TSHZ3: variants seen among roughly 807,000 people sequenced by gnomAD.
TSHZ3 encodes the protein teashirt zinc finger homeobox 3, also known as teashirt homolog 3.
Under a neutral mutation model 64.5 loss-of-function variants are expected in TSHZ3, and 10 were observed. That is an observed-to-expected ratio of 0.16 (90% confidence interval 0.10 to 0.26). TSHZ3 has a LOEUF of 0.26. Among genes scored for constraint, TSHZ3 ranks in the 10% least tolerant of loss-of-function variants. TSHZ3 has a pLI of 1.00. For synonymous variants in TSHZ3, 608 were observed against 593.1 expected, an observed-to-expected ratio of 1.03 and a Z score of -0.36; for missense variants, 1,242 against 1,421.7, an observed-to-expected ratio of 0.87 and a Z score of 2.03.
At chr19:31,311,396 T>G (rs897037027) in intron 1 of TSHZ3, among the ~76,000 whole-genome samples, 1 of 152,148 alleles carries the variant, frequency 6.6e-6, no homozygotes, top group African/African-American at 2.4e-5. Flanking sequence ...ACAAAATAGG[T>G]GCCAATGTGC....
chr19:31,153,552 G>T lies in TSHZ3; in HGVS notation n.872-1808C>A, dbSNP rs527839000. On this transcript the variant is annotated intron_variant and non_coding_transcript_variant, in intron 6 of 6. Coordinates refer to the TSHZ3 transcript ENST00000651361. ...AACAGACATGTTCTCACTATTTAAA[G>T]GTACTCCACATACCACGTAGTTGCT... Among the ~76,000 whole-genome samples, 159 of 152,250 alleles carry T rather than the reference G, an allele frequency of 1.0e-3. 2 individuals are homozygous for T. Among genetic ancestry groups the T allele is most frequent in the African/African-American group, 3.7e-3 (153 of 41,552 alleles).
chr19:31,335,486 G>A (rs562907414), intron 1 of TSHZ3, among the ~76,000 whole-genome samples: 8 of 152,262 alleles, frequency 5.3e-5, no homozygotes, highest in Admixed American at 3.9e-4. Flanking sequence ...AGCACACCCC[G>A]TTGTTGGTCT....
At chr19:31,266,281 A>T (rs749124584) in intron 1 of TSHZ3, among the ~76,000 whole-genome samples, 6 of 152,134 alleles carry the variant, frequency 3.9e-5, no homozygotes, top group Admixed American at 3.9e-4. Flanking sequence ...TCATCAACAT[A>T]ACAAGACCCC....
intron 1 of TSHZ3, among the ~76,000 whole-genome samples, chr19:31,341,642 C>CTG (rs1917442720): frequency 5.1e-5 from 7 of 138,160 alleles, no homozygotes; most frequent in African/African-American, 2.4e-4. Context: ...CACACACACA[C>CTG]ACACACACAC....
intron 1 of TSHZ3, among the ~76,000 whole-genome samples, chr19:31,313,038 A>G (rs1374573179): frequency 6.6e-6 from 1 of 152,192 alleles, no homozygotes; most frequent in East Asian, 1.9e-4. Context: ...TGTAAACAGT[A>G]AGTTCAGGCA....
chr19:31,283,211 G>A (rs1197841485), intron 1 of TSHZ3, among the ~76,000 whole-genome samples: 1 of 152,176 alleles, frequency 6.6e-6, no homozygotes, highest in Non-Finnish European at 1.5e-5. Context: ...GCACATGCCT[G>A]CAGTCCCAGT....
intron 5 of TSHZ3, among the ~76,000 whole-genome samples, chr19:31,163,480 C>A (rs968489967): frequency 1.2e-4 from 19 of 152,100 alleles, no homozygotes; most frequent in African/African-American, 4.6e-4. Flanking sequence ...GCCTGTAATC[C>A]CAGCACTTTG....
chr19:31,199,288 C>T (rs1392786229), intron 5 of TSHZ3, among the ~76,000 whole-genome samples: 2 of 150,916 alleles, frequency 1.3e-5, no homozygotes, highest in East Asian at 4.0e-4. Context: ...CCTGTAGTCC[C>T]AGCTACTCAG....
intron 1 of TSHZ3, among the ~76,000 whole-genome samples, chr19:31,327,666 T>C (rs1916971312): frequency 6.6e-6 from 1 of 152,190 alleles, no homozygotes; most frequent in African/African-American, 2.4e-5. Context: ...TATACACGCA[T>C]ATAAATATAC....
chr19:31,338,930 C>G (rs1243823846), intron 1 of TSHZ3, among the ~76,000 whole-genome samples: 1 of 151,584 alleles, frequency 6.6e-6, no homozygotes, highest in African/African-American at 2.4e-5. Context: ...CAAGGCCAAT[C>G]GATAGAAACA....
At chr19:31,246,124 G>GT (rs906662088) in intron 1 of TSHZ3, among the ~76,000 whole-genome samples, 12 of 151,860 alleles carry the variant, frequency 7.9e-5, no homozygotes, top group Middle Eastern at 3.2e-3. Context: ...CCAAGAGTTT[G>GT]TTTTTTTTAA....
chr19:31,182,215 G>A (rs1457415505), intron 5 of TSHZ3, among the ~76,000 whole-genome samples: 1 of 152,198 alleles, frequency 6.6e-6, no homozygotes, highest in East Asian at 1.9e-4. Context: ...TTGAGAGCAG[G>A]TTCAAGCTGG....
chr19:31,175,438 GTGT>G (rs1974593619), intron 5 of TSHZ3, among the ~76,000 whole-genome samples: 1 of 90,880 alleles, frequency 1.1e-5, no homozygotes, highest in African/African-American at 5.6e-5. Flanking sequence ...TAATTTGTTT[GTGT>G]TTTTTTTACA....
intron 4 of TSHZ3, among the ~76,000 whole-genome samples, chr19:31,207,268 C>T (rs1038187023): frequency 6.6e-6 from 1 of 152,200 alleles, no homozygotes; most frequent in Non-Finnish European, 1.5e-5. Flanking sequence ...AACATTATAG[C>T]TTGCTTAGCT....
intron 1 of TSHZ3, among the ~76,000 whole-genome samples, chr19:31,310,445 T>A (rs777917722): frequency 3.3e-5 from 5 of 152,176 alleles, no homozygotes; most frequent in Non-Finnish European, 7.4e-5. Flanking sequence ...GGTCTGCAAG[T>A]ATCTGCTGCA....
At position 31,160,501 on chromosome 19, in the gene TSHZ3, T is replaced by C. The variant is rs569171519; in HGVS notation, n.810-4084A>G. 2.8e-3 allele frequency among the ~76,000 whole-genome samples: 431 copies of C among 152,338 alleles called. 5 individuals carry two copies. Among genetic ancestry groups the C allele is most frequent in the Middle Eastern group, 0.01 (3 of 294 alleles). ...CTTGAGGCAGCCCTCCAAATGGGTATTTGAGTCTGGCTCACTTTTTAAGCT... is the reference window on the plus strand; with the variant it reads ...CTTGAGGCAGCCCTCCAAATGGGTACTTGAGTCTGGCTCACTTTTTAAGCT... On this transcript the variant is annotated intron_variant and non_coding_transcript_variant, in intron 5 of 6. Coordinates refer to the TSHZ3 transcript ENST00000651361.
At chr19:31,263,348 T>C (rs919103954) in intron 1 of TSHZ3, among the ~76,000 whole-genome samples, 2 of 152,138 alleles carry the variant, frequency 1.3e-5, no homozygotes, top group African/African-American at 4.8e-5. Context: ...GGGCACTGGA[T>C]GAGAATCCTA....
intron 1 of TSHZ3, among the ~76,000 whole-genome samples, chr19:31,252,006 C>A (rs547601180): frequency 6.6e-6 from 1 of 152,310 alleles, no homozygotes; most frequent in East Asian, 1.9e-4. Flanking sequence ...TCCCTAAGCA[C>A]CCCTGGGCAC....
intron 1 of TSHZ3, among the ~76,000 whole-genome samples, chr19:31,328,895 T>C (rs1406066320): frequency 6.6e-6 from 1 of 152,222 alleles, no homozygotes; most frequent in Non-Finnish European, 1.5e-5. Flanking sequence ...CATATCTGCA[T>C]ATCCTTTCAA....
Sources: allele counts gnomAD v4.1 joint callset (sites outside exome capture counted in the v4.1 genomes callset), GRCh38; gene constraint gnomAD v4.1.1; transcripts MANE v1.5; gene names NCBI Gene and HGNC (gene_info 2026-07-23, HGNC 2026-07-21).